Variants in ANKRD6 observed in about 807,000 individuals in gnomAD.
ANKRD6 encodes ankyrin repeat domain-containing protein 6.
ANKRD6 carries 56 observed loss-of-function variants against 82.3 expected under a neutral mutation model. The ratio of observed to expected loss-of-function variants is 0.68; its 90% CI spans 0.55 to 0.85. The LOEUF is 0.85. Among genes scored for constraint, ANKRD6 ranks in the 40% least tolerant of loss-of-function variants. The probability of loss-of-function intolerance (pLI) is 0.00; values close to 1 mark genes in which losing one functional copy is unlikely to be tolerated. For synonymous variants in ANKRD6, 347 were observed against 352.1 expected, an observed-to-expected ratio of 0.99 and a Z score of 0.16; for missense variants, 852 against 907.6, an observed-to-expected ratio of 0.94 and a Z score of 0.79.
chr6:89,510,856 T>C (rs1484879605), intron 1 of ANKRD6, among the ~76,000 whole-genome samples: 1 of 152,198 alleles, frequency 6.6e-6, no homozygotes, highest in Non-Finnish European at 1.5e-5. Context: ...TACCTGTACA[T>C]AGTAGGTGCT....
chr6:89,583,765 G>T (rs908533309), intron 2 of ANKRD6, among the ~76,000 whole-genome samples: 16 of 152,202 alleles, frequency 1.1e-4, no homozygotes, highest in Admixed American at 5.9e-4. Flanking sequence ...ATGCAGAATT[G>T]CAATGTCTTT....
At chr6:89,540,916 G>A (rs1014767630) in intron 1 of ANKRD6, among the ~76,000 whole-genome samples, 1 of 152,042 alleles carries the variant, frequency 6.6e-6, no homozygotes, top group Non-Finnish European at 1.5e-5. Context: ...TGGCACCTTT[G>A]TCAAAAATGA....
chr6:89,588,138 T>A (rs192609192), intron 2 of ANKRD6, among the ~76,000 whole-genome samples: 84 of 148,698 alleles, frequency 5.6e-4, no homozygotes, highest in African/African-American at 2.0e-3. Context: ...AGTCTTCCAC[T>A]TTTTAAAATC....
intron 1 of ANKRD6, among the ~76,000 whole-genome samples, chr6:89,483,832 A>T (rs185788632): frequency 1.3e-5 from 2 of 152,222 alleles, no homozygotes; most frequent in Admixed American, 1.3e-4. Flanking sequence ...GGACTTTTTG[A>T]ATTTTACCTG....
At chr6:89,527,623 A>G (rs1354225298) in intron 1 of ANKRD6, among the ~76,000 whole-genome samples, 1 of 150,266 alleles carries the variant, frequency 6.7e-6, no homozygotes, top group African/African-American at 2.5e-5. Flanking sequence ...AAAAAAAAAA[A>G]AAAGAAAAAG....
chr6:89,628,996 A>G, intron 14 of ANKRD6, 116 bp from the exon 15 acceptor site: 2 of 1,179,644 alleles, frequency 1.7e-6, no homozygotes, highest in Non-Finnish European at 2.3e-6. Flanking sequence ...GTTAGATGGT[A>G]TCCTCAACTG....
chr6:89,465,787 C>T (rs750056522), intron 1 of ANKRD6, among the ~76,000 whole-genome samples: 8 of 151,964 alleles, frequency 5.3e-5, no homozygotes, highest in South Asian at 2.1e-4. Context: ...CACTTGAGCC[C>T]GGGAGATCAA....
chr6:89,592,571 C>T (rs1276046348), intron 2 of ANKRD6, among the ~76,000 whole-genome samples: 1 of 152,178 alleles, frequency 6.6e-6, no homozygotes, highest in African/African-American at 2.4e-5. Flanking sequence ...CAGGCCCATC[C>T]TGTTGGTAAT....
rs550144459 is a variant in ANKRD6, at chr6:89,630,360, A to G, written c.1613-73A>G. On this transcript the variant is annotated intron_variant, in intron 15 of 15. Coordinates refer to ENST00000339746, the MANE Select transcript of ANKRD6 (RefSeq NM_001242809.2). ...GATATACAGGATCCTTAAGACTCTA[A>G]AATACTGACCCGCAGCCATATGACT... 2.7e-5 allele frequency: 41 copies of G among 1,522,148 alleles called. No homozygotes were observed. In the South Asian group the frequency reaches 4.9e-4, roughly 18 times the overall value. 94.3% of individuals were successfully genotyped at this position (1,522,148 alleles called of 1,614,324 possible).
intron 1 of ANKRD6, among the ~76,000 whole-genome samples, chr6:89,551,170 G>A (rs951313473): frequency 1.3e-5 from 2 of 152,162 alleles, no homozygotes; most frequent in South Asian, 2.1e-4. Flanking sequence ...TGTTAGGAAG[G>A]GGGTGGGATT....
chr6:89,572,897 A>C (rs2128093778), intron 2 of ANKRD6, among the ~76,000 whole-genome samples: 1 of 152,302 alleles, frequency 6.6e-6, no homozygotes, highest in Non-Finnish European at 1.5e-5. Context: ...TCTAATACCA[A>C]CTGTTTTGAT....
At chr6:89,593,909 T>G (rs1795359166) in intron 2 of ANKRD6, among the ~76,000 whole-genome samples, 1 of 152,202 alleles carries the variant, frequency 6.6e-6, no homozygotes, top group South Asian at 2.1e-4. Context: ...TGTGGCACCT[T>G]GGGAGCCGAC....
chr6:89,551,421 G>A (rs1785832138), intron 1 of ANKRD6, among the ~76,000 whole-genome samples: 2 of 152,184 alleles, frequency 1.3e-5, no homozygotes, highest in South Asian at 2.1e-4. Flanking sequence ...TGAGGCTGGG[G>A]AATGTGCAGG....
At chr6:89,550,636 C>A (rs184733190) in intron 1 of ANKRD6, among the ~76,000 whole-genome samples, 7 of 152,216 alleles carry the variant, frequency 4.6e-5, no homozygotes, top group Admixed American at 3.9e-4. Flanking sequence ...TGTAAGTGTA[C>A]ACTTTTCTAT....
chr6:89,616,796 G>T, intron 8 of ANKRD6, 139 bp downstream of exon 8: 1 of 857,160 alleles, frequency 1.2e-6, no homozygotes, highest in Admixed American at 2.0e-5. Context: ...CAGCCCCCAG[G>T]GCCATTGGGG....
chr6:89,472,520 T>G (rs1338157133), intron 1 of ANKRD6, among the ~76,000 whole-genome samples: 1 of 152,334 alleles, frequency 6.6e-6, no homozygotes, highest in East Asian at 1.9e-4. Context: ...CTGACTACAC[T>G]TATGATTTCT....
At chr6:89,469,445 C>T (rs1242801896) in intron 1 of ANKRD6, among the ~76,000 whole-genome samples, 8 of 152,178 alleles carry the variant, frequency 5.3e-5, no homozygotes, top group Non-Finnish European at 1.0e-4. Flanking sequence ...CACACCCCTC[C>T]CAAAATTCCT....
Position 89,631,018 on chromosome 6 carries a change from G to C in ANKRD6, c.*14G>C. The C allele has an allele frequency of 6.7e-7, 1 of 1,488,032 alleles. No homozygotes were observed. Among genetic ancestry groups the C allele is most frequent in the Non-Finnish European group, 8.9e-7 (1 of 1,122,514 alleles). 92.2% of individuals were successfully genotyped at this position (1,488,032 alleles called of 1,614,324 possible). On this transcript the variant is annotated 3_prime_UTR_variant, in exon 16 of 16. Coordinates refer to ENST00000339746, the MANE Select transcript of ANKRD6 (RefSeq NM_001242809.2). ...AAGGAAAATTAGCACCAATAAAGAG[G>C]AAATATGAAAGGATTCTTGAAGATT...
chr6:89,500,404 C>A (rs1185210366), intron 1 of ANKRD6, among the ~76,000 whole-genome samples: 1 of 152,160 alleles, frequency 6.6e-6, no homozygotes, highest in African/African-American at 2.4e-5. Context: ...CAGGCAGCCT[C>A]TGGAAATGGA....
Sources: allele counts gnomAD v4.1 joint callset (sites outside exome capture counted in the v4.1 genomes callset), GRCh38; gene constraint gnomAD v4.1.1; transcripts MANE v1.5; gene names NCBI Gene and HGNC (gene_info 2026-07-23, HGNC 2026-07-21).